The following CFAP299 variants were observed in gnomAD, a reference collection of about 807,000 sequenced individuals.
CFAP299 encodes cilia and flagella associated protein 299.
Under a neutral mutation model 27.0 loss-of-function variants are expected in CFAP299, and 21 were observed. That is an observed-to-expected ratio of 0.78 (90% CI 0.55 to 1.12). The LOEUF is 1.12. CFAP299 is among the 50% of genes most tolerant of loss of function. The pLI, the probability that CFAP299 is intolerant of heterozygous loss-of-function variation, is 0.00. For missense variants in CFAP299, 310 were observed against 276.6 expected (o/e 1.12, Z -0.86); for synonymous variants, 104 against 98.1 (o/e 1.06, Z -0.36).
chr4:80,431,368 C>CA (rs1315308485), intron 2 of CFAP299, among the ~76,000 whole-genome samples: 1 of 142,574 alleles, frequency 7.0e-6, no homozygotes, highest in Middle Eastern at 3.3e-3. Flanking sequence ...TCCATCTCTC[C>CA]CCCCTTCCTT....
At chr4:80,500,648 T>C (rs1731694338) in intron 2 of CFAP299, among the ~76,000 whole-genome samples, 1 of 152,120 alleles carries the variant, frequency 6.6e-6, no homozygotes, top group South Asian at 2.1e-4. Flanking sequence ...TATTTGGCAG[T>C]ATATTCAGTA....
intron 3 of CFAP299, among the ~76,000 whole-genome samples, chr4:80,714,725 T>C (rs1397865493): frequency 6.6e-6 from 1 of 152,064 alleles, no homozygotes; most frequent in East Asian, 1.9e-4. Context: ...TCTTTCCCTT[T>C]GGAAACTACA....
chr4:80,748,597 T>C (rs1282306091), intron 3 of CFAP299, among the ~76,000 whole-genome samples: 2 of 152,176 alleles, frequency 1.3e-5, no homozygotes, highest in Non-Finnish European at 2.9e-5. Flanking sequence ...TATTGTATCA[T>C]GGTATTATTT....
At chr4:80,506,934 A>G (rs1274291665) in intron 2 of CFAP299, among the ~76,000 whole-genome samples, 1 of 152,202 alleles carries the variant, frequency 6.6e-6, no homozygotes, top group Non-Finnish European at 1.5e-5. Flanking sequence ...ATTCAGTTCT[A>G]TGAACTAAAG....
chr4:80,831,970 A>G (rs1730322363), intron 3 of CFAP299, among the ~76,000 whole-genome samples: 1 of 152,168 alleles, frequency 6.6e-6, no homozygotes, highest in Non-Finnish European at 1.5e-5. Flanking sequence ...ATACTATGCC[A>G]TTCATAATAA....
At chr4:80,598,589 A>G (rs1737173177) in intron 3 of CFAP299, among the ~76,000 whole-genome samples, 1 of 152,182 alleles carries the variant, frequency 6.6e-6, no homozygotes, top group Admixed American at 6.5e-5. Flanking sequence ...GTATTTTGGA[A>G]TCCTAAATAA....
At chr4:80,470,007 A>G (rs531363357) in intron 2 of CFAP299, among the ~76,000 whole-genome samples, 2 of 151,972 alleles carry the variant, frequency 1.3e-5, no homozygotes, top group Non-Finnish European at 2.9e-5. Context: ...ATACTAGAAA[A>G]GTCTCCATTT....
At chr4:80,807,398 A>G (rs931023935) in intron 3 of CFAP299, among the ~76,000 whole-genome samples, 36 of 152,176 alleles carry the variant, frequency 2.4e-4, no homozygotes, top group African/African-American at 8.0e-4. Flanking sequence ...CAGTGAAGGA[A>G]TTAACAGATA....
chr4:80,651,704 TTGTGTGTGTGTG>T (rs34460418), intron 3 of CFAP299, among the ~76,000 whole-genome samples: 28 of 139,548 alleles, frequency 2.0e-4, no homozygotes, highest in Non-Finnish European at 2.5e-4. Flanking sequence ...AGGTATGCAC[TTGTGTGTGTGTG>T]TGTGTGTGTG....
chr4:80,837,589 T>C (rs1481065606), intron 3 of CFAP299, among the ~76,000 whole-genome samples: 1 of 152,202 alleles, frequency 6.6e-6, no homozygotes, highest in Non-Finnish European at 1.5e-5. Context: ...TCCAGCTTCA[T>C]CTATGTCCCT....
chr4:80,509,071 G>A (rs979662383), intron 2 of CFAP299, among the ~76,000 whole-genome samples: 4 of 152,156 alleles, frequency 2.6e-5, no homozygotes, highest in African/African-American at 9.7e-5. Flanking sequence ...ATGTTTCCAT[G>A]CTGGTCTTGG....
chr4:80,892,602 C>T (rs1029061570), intron 4 of CFAP299, among the ~76,000 whole-genome samples: 1 of 151,818 alleles, frequency 6.6e-6, no homozygotes, highest in Non-Finnish European at 1.5e-5. Flanking sequence ...ATGTGATGCA[C>T]CATTTTCACA....
At chr4:80,323,508 T>A in the CFAP299 span, among the ~76,000 whole-genome samples, 1 of 152,238 alleles carries the variant, frequency 6.6e-6, no homozygotes, top group Non-Finnish European at 1.5e-5. Flanking sequence ...GTCTTACTTT[T>A]TTCTTCATCA....
chr4:80,352,796 A>G (rs1244214761), intron 1 of CFAP299, among the ~76,000 whole-genome samples: 1 of 152,158 alleles, frequency 6.6e-6, no homozygotes, highest in African/African-American at 2.4e-5. Context: ...TGGATAATAA[A>G]CAACATAGTT....
intron 3 of CFAP299, among the ~76,000 whole-genome samples, chr4:80,839,397 G>A (rs180957623): frequency 6.6e-6 from 1 of 152,040 alleles, no homozygotes; most frequent in East Asian, 1.9e-4. Flanking sequence ...CTCTTGTTCT[G>A]TTGAATTCAC....
chr4:80,607,861 G>C lies in CFAP299; in HGVS notation c.333+24678G>C, dbSNP rs745646070. Among the ~76,000 whole-genome samples, 88 of 152,232 alleles carry C rather than the reference G, an allele frequency of 5.8e-4. 1 individual carries two copies. In the Middle Eastern group the frequency reaches 0.01, roughly 18 times the overall value. ...CTTGCTTTCCATTTCTTAATGCTGT[G>C]GGAATAGAAATGTAATTATGGTCAT... On this transcript the variant is annotated intron_variant, in intron 3 of 5. Coordinates refer to ENST00000358105, the MANE Select transcript of CFAP299 (RefSeq NM_152770.3).
intron 3 of CFAP299, among the ~76,000 whole-genome samples, chr4:80,791,025 C>T (rs139073298): frequency 1.8e-3 from 280 of 152,130 alleles, no homozygotes; most frequent in African/African-American, 6.4e-3. Context: ...CATACATTTT[C>T]TTCCCCTAAC....
chr4:80,720,697 A>G (rs1416859357), intron 3 of CFAP299, among the ~76,000 whole-genome samples: 1 of 152,196 alleles, frequency 6.6e-6, no homozygotes, highest in East Asian at 1.9e-4. Flanking sequence ...AAAATATAAA[A>G]TTCACAACTT....
chr4:80,387,851 C>A, intron 2 of CFAP299: 2 of 1,319,288 alleles, frequency 1.5e-6, no homozygotes, highest in South Asian at 1.2e-5. Context: ...GTACCTTTAG[C>A]CCGTGGGGTC....
Sources: allele counts gnomAD v4.1 joint callset (sites outside exome capture counted in the v4.1 genomes callset), GRCh38; gene constraint gnomAD v4.1.1; transcripts MANE v1.5; gene names NCBI Gene and HGNC (gene_info 2026-07-23, HGNC 2026-07-21).